The following SNX27 variants were observed in gnomAD, a reference collection of about 807,000 sequenced individuals.
SNX27 encodes sorting nexin-27.
A neutral mutation model predicts 71.6 loss-of-function variants in SNX27; 22 were observed. The ratio of observed to expected loss-of-function variants is 0.31; its 90% confidence interval spans 0.22 to 0.44. The LOEUF is 0.44. SNX27 is among the 20% of genes least tolerant of loss of function. The probability of loss-of-function intolerance (pLI) is 1.00; values close to 1 mark genes in which losing one functional copy is unlikely to be tolerated. For missense variants in SNX27, 531 were observed against 698.6 expected, an observed-to-expected ratio of 0.76 and a Z score of 2.70; for synonymous variants, 269 against 277.2, an observed-to-expected ratio of 0.97 and a Z score of 0.29.
At chr1:151,659,502 C>T (rs1328403006) in intron 3 of SNX27, 1 of 152,448 alleles carries the variant, frequency 6.6e-6, no homozygotes, top group African/African-American at 2.4e-5. Flanking sequence ...CCGTCTTCAC[C>T]TTCCAAAGTG....
intron 2 of SNX27, among the ~76,000 whole-genome samples, chr1:151,655,548 A>G (rs1257819832): frequency 6.6e-6 from 1 of 152,166 alleles, no homozygotes; most frequent in African/African-American, 2.4e-5. Context: ...GAAGTTGCCA[A>G]ACTCTGTTTG....
chr1:151,664,937 TC>T (rs1160698637), intron 5 of SNX27, among the ~76,000 whole-genome samples: 1 of 152,218 alleles, frequency 6.6e-6, no homozygotes, highest in African/African-American at 2.4e-5. Flanking sequence ...CATTTTAATT[TC>T]TATCCAGTGC....
chr1:151,647,202 G>A (rs550833813), intron 2 of SNX27, among the ~76,000 whole-genome samples: 5 of 149,672 alleles, frequency 3.3e-5, no homozygotes, highest in Non-Finnish European at 7.4e-5. Context: ...CCAGGCTGGA[G>A]TGCAGTGGTG....
intron 4 of SNX27, 164 bp downstream of exon 4, chr1:151,661,026 T>C: frequency 1.8e-6 from 1 of 547,448 alleles, no homozygotes; most frequent in East Asian, 2.9e-5. Flanking sequence ...CTTTAAGACC[T>C]AGGTCCACTT....
In SNX27 at chr1:151,697,256, T is replaced by C. The variant is rs1671799660; in HGVS notation, c.*2839T>C. The C allele has an allele frequency of 6.6e-6, 1 of 152,220 alleles. No homozygotes were observed. Among genetic ancestry groups the C allele is most frequent in the Non-Finnish European group, 1.5e-5 (1 of 68,050 alleles). The allele number at this position is 152,220 out of a possible 1,614,324, so 9.4% of individuals were successfully genotyped here. On this transcript the variant is annotated 3_prime_UTR_variant, in exon 12 of 12. Coordinates refer to ENST00000458013, the MANE Select transcript of SNX27 (RefSeq NM_001330723.2). ...GACTTGGCACCAGCTTTGTTCAAAC[T>C]GTAAAAATAGCAATTTGCCCCTACT...
At chr1:151,675,841 T>TTTTTTTTTTTTTTTTTTTTC (rs1670671879) in intron 7 of SNX27, 1 of 112,178 alleles carries the variant, frequency 8.9e-6, no homozygotes, top group African/African-American at 3.4e-5. Context: ...TTTTTTTTTT[T>TTTTTTTTTTTTTTTTTTTTC]TTTTATATAG....
intron 8 of SNX27, among the ~76,000 whole-genome samples, chr1:151,687,766 G>A (rs1173026654): frequency 6.6e-6 from 1 of 152,074 alleles, no homozygotes; most frequent in African/African-American, 2.4e-5. Flanking sequence ...GGCTAACACG[G>A]TGAAACCTCG....
chr1:151,692,289 A>C (rs569294906), intron 8 of SNX27, 146 bp from the exon 9 acceptor site: 1 of 1,033,314 alleles, frequency 9.7e-7, no homozygotes, highest in East Asian at 2.8e-5. Flanking sequence ...GTGAGACCAG[A>C]GGCCAGGTCT....
At chr1:151,629,009 C>G (rs1668073478) in intron 1 of SNX27, among the ~76,000 whole-genome samples, 1 of 152,018 alleles carries the variant, frequency 6.6e-6, no homozygotes, top group Non-Finnish European at 1.5e-5. Context: ...CAATTTTTTT[C>G]CTTCATGGAT....
rs560743028 is a variant in SNX27 at position 151,620,567 on chromosome 1, C to G, written c.311+8055C>G. Among the ~76,000 whole-genome samples the G allele has an allele frequency of 3.9e-5, 6 of 152,220 alleles. No homozygotes were observed. In the South Asian group the frequency reaches 1.0e-3, roughly 26 times the overall value. On this transcript the variant is annotated intron_variant, in intron 1 of 11. Transcript: ENST00000458013. ...AGCTTCTCAGTTATCCTTTCTCTTTCTCTTCTGTTTTAAATGACTATACTT... is the reference window on the plus strand; with the variant it reads ...AGCTTCTCAGTTATCCTTTCTCTTTGTCTTCTGTTTTAAATGACTATACTT...
chr1:151,615,380 C>T (rs978365952), intron 1 of SNX27, among the ~76,000 whole-genome samples: 2 of 151,058 alleles, frequency 1.3e-5, no homozygotes, highest in African/African-American at 2.4e-5. Flanking sequence ...TTCCTTTCTT[C>T]GATAGTCTGC....
rs1192111885 is a variant in SNX27 at position 151,696,578 on chromosome 1, CT to C, written c.*2167del. ...TTCTTTTGCTTTCCTTCTTTCATCT[CT>C]TTTTTGTAATTTGTTGTTGCAAATC... On this transcript the variant is annotated 3_prime_UTR_variant, in exon 12 of 12. Coordinates refer to ENST00000458013, the MANE Select transcript of SNX27 (RefSeq NM_001330723.2). 3 of 142,306 alleles carry C rather than the reference CT, an allele frequency of 2.1e-5. No homozygotes were observed. Among genetic ancestry groups the C allele is most frequent in the Non-Finnish European group, 4.6e-5 (3 of 65,466 alleles). 8.8% of individuals were successfully genotyped at this position (142,306 alleles called of 1,614,324 possible).
At position 151,668,544 on chromosome 1, in the gene SNX27, C is replaced by G; in HGVS notation, c.1058C>G (p.Thr353Ser). ...IQNYTSAVPG[T>S]CLTIRKWLFT... ...AATTATACATCAGCTGTGCCAGGCA[C>G]CTGCTTGACCATTCGAAAGTGGCTT... Residue 353 changes from threonine (T) to serine (S), a missense_variant, in exon 7 of 12, where the codon ACC becomes AGC. Physicochemically the swap from Thr to Ser is moderately conservative, Grantham distance 58. Around this residue, in one of 5 missense-constraint regions of SNX27, gnomAD observed 184 missense variants for 289.6 expected, o/e 0.64. Transcript: ENST00000458013. 6.2e-7 allele frequency: 1 copy of G among 1,614,030 alleles called. No homozygotes were observed. Among genetic ancestry groups the G allele is most frequent in the Non-Finnish European group, 8.5e-7 (1 of 1,179,956 alleles).
chr1:151,659,730 C>T (rs1227459177), intron 3 of SNX27: 2 of 152,194 alleles, frequency 1.3e-5, no homozygotes, highest in Non-Finnish European at 2.9e-5. Flanking sequence ...GATGGTGAAA[C>T]ATTTGTTTGT....
chr1:151,621,700 C>T (rs961074160), intron 1 of SNX27, among the ~76,000 whole-genome samples: 1 of 152,188 alleles, frequency 6.6e-6, no homozygotes, highest in Non-Finnish European at 1.5e-5. Context: ...GCAAATACCA[C>T]AGTACTTTTA....
At chr1:151,616,453 TGATAGCCACCA>T (rs1365533925) in intron 1 of SNX27, among the ~76,000 whole-genome samples, 1 of 152,364 alleles carries the variant, frequency 6.6e-6, no homozygotes, top group East Asian at 1.9e-4. Context: ...CTTTCCTCTT[TGATAGCCACCA>T]GATAATAGAC....
At chr1:151,669,780 T>C (rs930315962) in intron 7 of SNX27, among the ~76,000 whole-genome samples, 3 of 152,228 alleles carry the variant, frequency 2.0e-5, no homozygotes, top group African/African-American at 7.2e-5. Context: ...AGTAGGTGTA[T>C]ATATTTTGGG....
chr1:151,694,492 C>A lies in SNX27; in HGVS notation c.*75C>A, dbSNP rs1671613892. 4 of 1,395,898 alleles carry A rather than the reference C, an allele frequency of 2.9e-6. No individual in the cohort carries two copies. Among genetic ancestry groups the A allele is most frequent in the Non-Finnish European group, 3.9e-6 (4 of 1,036,556 alleles). The allele number at this position is 1,395,898 out of a possible 1,614,324, so 86.5% of individuals were successfully genotyped here. A position where few individuals can be genotyped will look rare whatever the true frequency, so the allele number is the denominator to read the frequency against. On this transcript the variant is annotated 3_prime_UTR_variant, in exon 12 of 12. Transcript: ENST00000458013. The stretch of plus-strand genomic sequence containing the variant: ...TCATGTCCCATTTCAGACAGAGTAA[C>A]CATTAACAAAAAAGAAGAGAAAAAG...
intron 1 of SNX27, chr1:151,613,912 C>A (rs2102584007): frequency 6.6e-6 from 1 of 150,672 alleles, no homozygotes; most frequent in African/African-American, 2.4e-5. Context: ...CTCCATATTT[C>A]GATTTGCCCA....
Sources: allele counts gnomAD v4.1 joint callset (sites outside exome capture counted in the v4.1 genomes callset), GRCh38; gene constraint gnomAD v4.1.1; regional missense constraint gnomAD v4.1.1; transcripts MANE v1.5; gene names NCBI Gene and HGNC (gene_info 2026-07-23, HGNC 2026-07-21).